Variants in FRA10AC1 observed in about 807,000 individuals in gnomAD.
FRA10AC1 encodes the protein FRA10A associated CGG repeat 1.
A neutral mutation model predicts 56.5 loss-of-function variants in FRA10AC1; 43 were observed. That is an observed-to-expected ratio of 0.76 (90% CI 0.60 to 0.98). The LOEUF is 0.98. FRA10AC1 is among the 50% of genes least tolerant of loss of function. FRA10AC1 has a pLI of 0.00. For missense variants in FRA10AC1, 346 were observed against 351.8 expected (o/e 0.98, Z 0.13); for synonymous variants, 112 against 110.5 (o/e 1.01, Z -0.09).
Position 93,700,059 on chromosome 10 carries a change from G to A in FRA10AC1, c.48C>T (p.Arg16=). ...GYDSDFSDDE[R]CGESSKRKKR... ...TTTTCCTTTTGCTGGATTCTCCACA[G>A]CGTTCATCATCACTAAAATCAGAAT... The change falls in exon 2 of 14, where the codon CGC becomes CGT. Residue 16 remains arginine, a synonymous_variant. Coordinates refer to ENST00000359204, the MANE Select transcript of FRA10AC1 (RefSeq NM_145246.5). The A allele has an allele frequency of 1.2e-6, 2 of 1,600,452 alleles. No individual in the cohort carries two copies.
chr10:93,670,705 G>C, intron 13 of FRA10AC1, 65 bp downstream of exon 13: 2 of 1,018,452 alleles, frequency 2.0e-6, no homozygotes, highest in Non-Finnish European at 3.1e-6. Context: ...CATTAATAAA[G>C]CTGTGGTTAT....
At chr10:93,690,761 G>A (rs1176403148) in intron 7 of FRA10AC1, among the ~76,000 whole-genome samples, 1 of 152,180 alleles carries the variant, frequency 6.6e-6, no homozygotes, top group East Asian at 1.9e-4. Flanking sequence ...AATTACTGTG[G>A]TGCTTTTTGA....
chr10:93,678,160 C>CT (rs1451654082), intron 11 of FRA10AC1, among the ~76,000 whole-genome samples: 2 of 152,128 alleles, frequency 1.3e-5, no homozygotes, highest in Non-Finnish European at 1.5e-5. Context: ...CAGGAAGGGC[C>CT]TTTCCAAGGA....
At chr10:93,698,215 AT>A (rs1564822655) in intron 3 of FRA10AC1, 34 bp from the exon 4 acceptor site, 1 of 1,521,070 alleles carries the variant, frequency 6.6e-7, no homozygotes, top group Non-Finnish European at 9.0e-7. Context: ...AAAATTCAAA[AT>A]GTTTATATTC....
In FRA10AC1 at chr10:93,700,030, C is replaced by T. The variant is rs1564823640; in HGVS notation, c.77G>A (p.Arg26Lys). ...RCGESSKRKK[R>K]TVEDDLLLQK... is the part of the protein sequence containing the mutation. ...AGATCAATAAAAAAAAATTACTTAC[C>T]TTTTTTTCCTTTTGCTGGATTCTCC... The change falls in exon 2 of 14, where the codon AGG (arginine) becomes AAG (lysine). Residue 26 changes from arginine (R) to lysine (K), a missense_variant and splice_region_variant. Coordinates refer to ENST00000359204, the MANE Select transcript of FRA10AC1 (RefSeq NM_145246.5). The T allele has an allele frequency of 1.3e-6, 2 of 1,531,530 alleles. No homozygotes were observed. Among genetic ancestry groups the T allele is most frequent in the South Asian group, 2.3e-5 (2 of 87,470 alleles). The allele number at this position is 1,531,530 out of a possible 1,614,324, so 94.9% of individuals were successfully genotyped here.
At chr10:93,694,713 T>TAAAAA (rs10554752) in intron 5 of FRA10AC1, 148 bp downstream of exon 5, 16 of 240,622 alleles carry the variant, frequency 6.6e-5, no homozygotes, top group Non-Finnish European at 1.1e-4. Flanking sequence ...GACTCCATCT[T>TAAAAA]AAAAAAAAAA....
At chr10:93,673,684 T>A (rs1219661280) in intron 12 of FRA10AC1, 1 of 387,754 alleles carries the variant, frequency 2.6e-6, no homozygotes, top group Non-Finnish European at 5.0e-6. Flanking sequence ...TTTATATGTC[T>A]GTATTTTTCT....
Position 93,702,534 on chromosome 10 carries a change from G to A in FRA10AC1, c.-160C>T, listed in dbSNP as rs963519692. 57 of 232,208 alleles carry A rather than the reference G, an allele frequency of 2.5e-4. No individual in the cohort carries two copies. Among genetic ancestry groups the A allele is most frequent in the African/African-American group, 6.6e-4 (28 of 42,642 alleles). The allele number at this position is 232,208 out of a possible 1,614,324, so 14.4% of individuals were successfully genotyped here. ...CGCCACAACCACCACCGCCGCCGCC[G>A]CCGCCGCCGCCGCCCGCAACCCGCC... is the stretch of plus-strand genomic sequence containing the variant. On this transcript the variant is annotated 5_prime_UTR_variant, in exon 1 of 14. Coordinates refer to ENST00000359204, the MANE Select transcript of FRA10AC1 (RefSeq NM_145246.5).
intron 1 of FRA10AC1, among the ~76,000 whole-genome samples, chr10:93,701,441 G>A (rs902194839): frequency 2.6e-5 from 4 of 152,030 alleles, no homozygotes; most frequent in Non-Finnish European, 5.9e-5. Context: ...CATCTCCCTG[G>A]ACTTCATCTA....
intron 11 of FRA10AC1, 142 bp downstream of exon 11, chr10:93,681,338 T>C (rs768593593): frequency 5.2e-6 from 3 of 578,306 alleles, no homozygotes; most frequent in Non-Finnish European, 8.8e-6. Context: ...TTTAAGTTCA[T>C]ATCTAAATTC....
At chr10:93,692,794 T>A in intron 5 of FRA10AC1, 65 bp from the exon 6 acceptor site, 2 of 1,008,052 alleles carry the variant, frequency 2.0e-6, no homozygotes, top group Non-Finnish European at 2.9e-6. Context: ...GTTAAATAGC[T>A]CTGTGAGTTT....
At position 93,698,281 on chromosome 10, in the gene FRA10AC1, T is replaced by A. The variant is rs764364924; in HGVS notation, c.173+20A>T. ...AAGCAACTTAAACCAAGAAATAGAA[T>A]TGACACTGAAATACCATACCTATCC... On this transcript the variant is annotated intron_variant, in intron 3 of 13. Transcript: ENST00000359204. 6.4e-7 allele frequency: 1 copy of A among 1,558,060 alleles called. No individual in the cohort carries two copies. Among genetic ancestry groups the A allele is most frequent in the Non-Finnish European group, 8.8e-7 (1 of 1,131,220 alleles).
intron 11 of FRA10AC1, 41 bp downstream of exon 11, chr10:93,681,439 T>C: frequency 8.1e-7 from 1 of 1,237,194 alleles, no homozygotes; most frequent in Non-Finnish European, 1.1e-6. Flanking sequence ...TATTTCATGC[T>C]CACAAATGTG....
chr10:93,694,441 T>G (rs2059193522), intron 5 of FRA10AC1, among the ~76,000 whole-genome samples: 1 of 151,808 alleles, frequency 6.6e-6, no homozygotes, highest in Non-Finnish European at 1.5e-5. Context: ...TGGGGCCAGG[T>G]GCAGTGGCTC....
intron 5 of FRA10AC1, among the ~76,000 whole-genome samples, chr10:93,694,350 C>G (rs2059191711): frequency 6.6e-6 from 1 of 151,946 alleles, no homozygotes; most frequent in Admixed American, 6.6e-5. Flanking sequence ...CTACCTGAGG[C>G]CTGTCCAAAA....
At chr10:93,695,251 C>T (rs1222853603) in intron 4 of FRA10AC1, among the ~76,000 whole-genome samples, 1 of 151,936 alleles carries the variant, frequency 6.6e-6, no homozygotes, top group African/African-American at 2.4e-5. Flanking sequence ...AGCCTCCTAC[C>T]ACCACTCATT....
intron 8 of FRA10AC1, among the ~76,000 whole-genome samples, chr10:93,685,864 G>C (rs1479457332): frequency 6.6e-6 from 1 of 151,652 alleles, no homozygotes; most frequent in East Asian, 1.9e-4. Context: ...TACTAGCATA[G>C]ATGGCCTTGA....
intron 12 of FRA10AC1, chr10:93,675,105 C>G (rs1254889606): frequency 1.3e-5 from 2 of 152,086 alleles, no homozygotes; most frequent in Non-Finnish European, 1.5e-5. Context: ...ATGTTGAAAA[C>G]AAAGTTCGTA....
chr10:93,670,660 G>T, intron 13 of FRA10AC1, 110 bp downstream of exon 13: 1 of 666,270 alleles, frequency 1.5e-6, no homozygotes, highest in Non-Finnish European at 2.6e-6. Flanking sequence ...GGCAGTCCTT[G>T]GCATTAAATA....
Sources: allele counts gnomAD v4.1 joint callset (sites outside exome capture counted in the v4.1 genomes callset), GRCh38; gene constraint gnomAD v4.1.1; transcripts MANE v1.5; gene names NCBI Gene and HGNC (gene_info 2026-07-23, HGNC 2026-07-21).